DMD: variants seen among roughly 807,000 people sequenced by gnomAD.
DMD encodes dystrophin.
Under a neutral mutation model 330.1 loss-of-function variants are expected in DMD, and 63 were observed. The observed-to-expected ratio is 0.19, with a 90% CI of 0.16 to 0.24. The LOEUF (loss-of-function observed/expected upper bound fraction) is 0.24. Among genes scored for constraint, DMD ranks in the 10% least tolerant of loss-of-function variants. The pLI is 1.00. For synonymous variants in DMD, 1,223 were observed against 959.8 expected (o/e 1.27, Z -5.07); for missense variants, 3,344 against 2,684.1 (o/e 1.25, Z -5.43).
chrX:31,666,043 T>A (rs1291420015), intron 53 of DMD, among the ~76,000 whole-genome samples: 1 of 111,778 alleles, frequency 8.9e-6, no homozygotes, highest in Non-Finnish European at 1.9e-5. Context: ...ATCACCCAGC[T>A]ACCCCAGGCA....
At chrX:31,323,538 G>T in intron 62 of DMD, 60 bp downstream of exon 62, 1 of 987,444 alleles carries the variant, frequency 1.0e-6, no homozygotes, top group Non-Finnish European at 1.4e-6. Flanking sequence ...AAACTCACTT[G>T]TGAATATACA....
At chrX:32,351,135 G>A (rs1385668501) in intron 37 of DMD, among the ~76,000 whole-genome samples, 2 of 110,438 alleles carry the variant, frequency 1.8e-5, no homozygotes, top group Non-Finnish European at 3.8e-5. Context: ...AATAAATGTT[G>A]ACTATTATTT....
chrX:31,190,187 T>C lies in DMD; in HGVS notation c.9808-7283A>G, dbSNP rs2042181240. On this transcript the variant is annotated intron_variant, in intron 67 of 78. Coordinates refer to ENST00000357033, the MANE Select transcript of DMD (RefSeq NM_004006.3). ...GAAAAACATCGCCAAATATGTTAAA[T>C]TTATTTTGGAATTAGAAATGAGGAT... Among the ~76,000 whole-genome samples, 3 of 111,887 alleles carry C rather than the reference T, an allele frequency of 2.7e-5. No homozygotes were observed. The South Asian group carries it at 1.1e-3, about 42-fold the overall frequency.
At chrX:31,792,599 G>A (rs956260165) in intron 50 of DMD, among the ~76,000 whole-genome samples, 1 of 112,106 alleles carries the variant, frequency 8.9e-6, no homozygotes, top group South Asian at 3.7e-4. Flanking sequence ...ACTTAGTAAC[G>A]AAGCAGGATA....
intron 7 of DMD, among the ~76,000 whole-genome samples, chrX:32,702,868 G>T (rs778761595): frequency 7.2e-5 from 8 of 111,437 alleles, no homozygotes; most frequent in African/African-American, 2.3e-4. Flanking sequence ...ACAGCCTTAG[G>T]ATATAAAGAT....
intron 54 of DMD, among the ~76,000 whole-genome samples, chrX:31,649,114 T>C (rs2080286459): frequency 8.9e-6 from 1 of 111,735 alleles, no homozygotes; most frequent in South Asian, 3.7e-4. Flanking sequence ...CTTTCTCCCA[T>C]TTGCTTTAAT....
intron 3 of DMD, among the ~76,000 whole-genome samples, chrX:32,846,069 A>G (rs1009178345): frequency 9.0e-6 from 1 of 111,695 alleles, no homozygotes; most frequent in Non-Finnish European, 1.9e-5. Flanking sequence ...CAGTGTGTCG[A>G]TATGCATAAA....
chrX:32,463,688 G>A, intron 24 of DMD, 94 bp from the exon 25 acceptor site: 2 of 785,144 alleles, frequency 2.5e-6, no homozygotes, highest in African/African-American at 2.1e-5. Context: ...TGGGACTGAT[G>A]GCATTGCATA....
intron 44 of DMD, among the ~76,000 whole-genome samples, chrX:32,086,771 C>T (rs1225926499): frequency 9.0e-6 from 1 of 111,234 alleles, no homozygotes; most frequent in African/African-American, 3.3e-5. Context: ...AGATTGGTCT[C>T]ATTTTAATTC....
At chrX:31,437,097 T>C (rs1286112865) in intron 60 of DMD, among the ~76,000 whole-genome samples, 1 of 111,778 alleles carries the variant, frequency 8.9e-6, no homozygotes, top group African/African-American at 3.2e-5. Context: ...TCTAATTTGT[T>C]TTAACCCTGT....
chrX:32,905,719 T>G (rs1458717376), intron 2 of DMD, among the ~76,000 whole-genome samples: 1 of 112,160 alleles, frequency 8.9e-6, no homozygotes, highest in Non-Finnish European at 1.9e-5. Context: ...TGTTGACGTA[T>G]TGCAGAGATT....
chrX:33,086,731 TATA>T (rs1443914601), intron 1 of DMD, among the ~76,000 whole-genome samples: 1 of 109,587 alleles, frequency 9.1e-6, no homozygotes, highest in African/African-American at 3.3e-5. Flanking sequence ...ATATTTAAAC[TATA>T]ATATCTCTTA....
chrX:31,823,310 C>T (rs777308408), intron 49 of DMD, among the ~76,000 whole-genome samples: 14 of 112,571 alleles, frequency 1.2e-4, no homozygotes, highest in Non-Finnish European at 2.4e-4. Context: ...ATGTGCCCTT[C>T]GCAAGGCAGG....
intron 52 of DMD, among the ~76,000 whole-genome samples, chrX:31,689,323 T>C (rs759474924): frequency 0.011 from 1,265 of 111,704 alleles, 8 homozygotes; most frequent in Non-Finnish European, 0.018. Context: ...TATACACCAA[T>C]AACAGACAAA....
At chrX:33,140,445 C>T (rs1456401609) in intron 1 of DMD, among the ~76,000 whole-genome samples, 1 of 111,916 alleles carries the variant, frequency 8.9e-6, no homozygotes, top group African/African-American at 3.2e-5. Context: ...ATATTTTCAA[C>T]GCTAACTTAA....
At chrX:33,137,170 G>T (rs2095532542) in intron 1 of DMD, among the ~76,000 whole-genome samples, 1 of 110,800 alleles carries the variant, frequency 9.0e-6, no homozygotes, top group Non-Finnish European at 1.9e-5. Flanking sequence ...ATCTTTCGGG[G>T]CTCTCCCAAG....
chrX:31,251,420 C>T (rs757479538), intron 63 of DMD, among the ~76,000 whole-genome samples: 31 of 111,701 alleles, frequency 2.8e-4, no homozygotes, highest in Non-Finnish European at 4.7e-4. Flanking sequence ...CATTTGTCTC[C>T]GTTATATAAG....
intron 48 of DMD, among the ~76,000 whole-genome samples, chrX:31,861,710 C>T (rs2093704342): frequency 1.1e-5 from 1 of 87,544 alleles, no homozygotes; most frequent in African/African-American, 4.3e-5. Context: ...TCTTCCCTTT[C>T]TTATAAGGGA....
At chrX:32,824,982 T>G (rs1181990094) in intron 4 of DMD, among the ~76,000 whole-genome samples, 2 of 111,909 alleles carry the variant, frequency 1.8e-5, no homozygotes, top group African/African-American at 6.5e-5. Flanking sequence ...GAAAAGCCAC[T>G]ATGAATTTAT....
Sources: allele counts gnomAD v4.1 joint callset (sites outside exome capture counted in the v4.1 genomes callset), GRCh38; gene constraint gnomAD v4.1.1; transcripts MANE v1.5; gene names NCBI Gene and HGNC (gene_info 2026-07-23, HGNC 2026-07-21).